GSTO2: variants seen among roughly 807,000 people sequenced by gnomAD.
The protein encoded by GSTO2 is glutathione S-transferase omega 2.
In GSTO2, 23 loss-of-function variants were observed where a neutral mutation model predicts 28.4. The ratio of observed to expected loss-of-function variants is 0.81; its 90% confidence interval spans 0.58 to 1.15. The LOEUF (loss-of-function observed/expected upper bound fraction) is 1.15. Among genes scored for constraint, GSTO2 ranks in the 50% most tolerant of loss-of-function variants. GSTO2 has a pLI of 0.00. For synonymous variants in GSTO2, 109 were observed against 111.0 expected, an observed-to-expected ratio of 0.98 and a Z score of 0.11; for missense variants, 298 against 297.8, an observed-to-expected ratio of 1.00 and a Z score of 0.00.
chr10:104,299,479 T>C lies in GSTO2; in HGVS notation c.*195T>C. On this transcript the variant is annotated 3_prime_UTR_variant, in exon 7 of 7. Transcript: ENST00000338595. The stretch of plus-strand genomic sequence containing the variant: ...TGTAGCTGCTGCTACTGCTGCTTTT[T>C]TTTCCTTTTTTTTTTTGAGGCAAGA... 1 of 618,024 alleles carries C rather than the reference T, an allele frequency of 1.6e-6. No homozygotes were observed. The highest frequency in any genetic ancestry group is 2.7e-6 in the Non-Finnish European group (1 of 374,366). The allele number at this position is 618,024 out of a possible 1,614,324, so 38.3% of individuals were successfully genotyped here. A position where few individuals can be genotyped will look rare whatever the true frequency, so the allele number is the denominator to read the frequency against.
intron 5 of GSTO2, among the ~76,000 whole-genome samples, chr10:104,286,205 T>A (rs1310750262): frequency 1.7e-5 from 1 of 57,790 alleles, no homozygotes; most frequent in East Asian, 3.0e-4. Context: ...TTTCAGAGCG[T>A]TTTTTTTATC....
chr10:104,300,385 G>A lies in GSTO2; in HGVS notation c.*1101G>A, dbSNP rs1445288062. ...GTTGCCTGTTGTGTACCAAGCCCAG[G>A]GGCACACTGGGGATAAAGTTGAAAA... On this transcript the variant is annotated 3_prime_UTR_variant, in exon 7 of 7. Transcript: ENST00000338595. 1 of 152,236 alleles carries A rather than the reference G, an allele frequency of 6.6e-6. No homozygotes were observed. Among genetic ancestry groups the A allele is most frequent in the Non-Finnish European group, 1.5e-5 (1 of 68,058 alleles). The allele number at this position is 152,236 out of a possible 1,614,324, so 9.4% of individuals were successfully genotyped here.
chr10:104,289,141 C>G (rs1020543599), intron 5 of GSTO2, among the ~76,000 whole-genome samples: 2 of 152,146 alleles, frequency 1.3e-5, no homozygotes, highest in Non-Finnish European at 2.9e-5. Flanking sequence ...CTCTGTCACT[C>G]AGGCTGGAGT....
chr10:104,279,342 C>A, intron 4 of GSTO2, 28 bp from the exon 5 acceptor site: 1 of 1,570,766 alleles, frequency 6.4e-7, no homozygotes, highest in Non-Finnish European at 8.8e-7. Flanking sequence ...ACAGACTTCT[C>A]CACTGAGAAC....
In GSTO2 at chr10:104,303,918, TAGGGGTGGC is replaced by T. The variant is rs1371574162; in HGVS notation, c.*4640_*4648del. ...TTGTTTCTTGGAGCTTTGGTGGTGG[TAGGGGTGGC>T]AGGGGCAGGTGTTATGTTTCTTGGT... On this transcript the variant is annotated 3_prime_UTR_variant, in exon 7 of 7. Transcript: ENST00000338595. 2 of 152,384 alleles carry T rather than the reference TAGGGGTGGC, an allele frequency of 1.3e-5. No individual in the cohort carries two copies. Among genetic ancestry groups the T allele is most frequent in the East Asian group, 3.9e-4 (2 of 5,186 alleles). 9.4% of individuals were successfully genotyped at this position (152,384 alleles called of 1,614,324 possible). A position where few individuals can be genotyped will look rare whatever the true frequency, so the allele number is the denominator to read the frequency against.
chr10:104,273,655 T>C (rs2011509220), intron 1 of GSTO2, among the ~76,000 whole-genome samples: 1 of 152,264 alleles, frequency 6.6e-6, no homozygotes, highest in African/African-American at 2.4e-5. Flanking sequence ...GCTATATCTT[T>C]TCCTGGACTT....
At position 104,270,659 on chromosome 10, in the gene GSTO2, A is replaced by T. The variant is rs191390837; in HGVS notation, c.-232+1390A>T. Among the ~76,000 whole-genome samples the T allele has an allele frequency of 5.9e-5, 9 of 152,300 alleles. No individual in the cohort carries two copies. The East Asian group carries it at 1.7e-3, about 29-fold the overall frequency. On this transcript the variant is annotated intron_variant, in intron 1 of 6. Transcript: ENST00000338595. ...ATTTGAGAATAGAACCTTTTACCTA[A>T]CGTATCTCACTTTTTGAACTCATTG...
rs2011736857 is a variant in GSTO2 at position 104,277,929 on chromosome 10, C to G, written c.179C>G (p.Pro60Arg). 6.2e-7 allele frequency: 1 copy of G among 1,613,826 alleles called. No homozygotes were observed. The highest frequency in any genetic ancestry group is 8.5e-7 in the Non-Finnish European group (1 of 1,179,898). ...GTCAACATTAACCTGAGAAACAAGC[C>G]TGAATGGTACTATACAAAGCACCCT... is the stretch of plus-strand genomic sequence containing the variant. ...EVVNINLRNK[P>R]EWYYTKHPFG... Residue 60 changes from proline to arginine, a missense_variant, in exon 4 of 7, where the codon CCT becomes CGT. Physicochemically the swap from Pro to Arg is moderately radical, Grantham distance 103. Coordinates refer to ENST00000338595, the MANE Select transcript of GSTO2 (RefSeq NM_183239.2).
At chr10:104,274,245 A>G (rs1304973542) in intron 1 of GSTO2, among the ~76,000 whole-genome samples, 1 of 152,114 alleles carries the variant, frequency 6.6e-6, no homozygotes, top group Non-Finnish European at 1.5e-5. Flanking sequence ...AGCTTGGGTA[A>G]AATCTCACAA....
intron 1 of GSTO2, among the ~76,000 whole-genome samples, chr10:104,273,566 A>G (rs550620078): frequency 6.6e-6 from 1 of 152,364 alleles, no homozygotes; most frequent in Admixed American, 6.5e-5. Context: ...GTACCCAGTT[A>G]TAAGCTACAT....
chr10:104,286,409 T>C (rs1157232319), intron 5 of GSTO2, among the ~76,000 whole-genome samples: 1 of 152,262 alleles, frequency 6.6e-6, no homozygotes, highest in Non-Finnish European at 1.5e-5. Flanking sequence ...TTAAGGTTCA[T>C]CCTTCATTCT....
intron 1 of GSTO2, among the ~76,000 whole-genome samples, chr10:104,272,574 A>T (rs2011455899): frequency 7.6e-6 from 1 of 130,960 alleles, no homozygotes; most frequent in African/African-American, 2.8e-5. Context: ...ATCAAAATAG[A>T]ACAGTTATGG....
rs573528576 is a variant in GSTO2 at position 104,299,932 on chromosome 10, A to G, written c.*648A>G. 2 of 153,362 alleles carry G rather than the reference A, an allele frequency of 1.3e-5. No individual in the cohort carries two copies. Among genetic ancestry groups the G allele is most frequent in the Admixed American group, 6.5e-5 (1 of 15,308 alleles). 9.5% of individuals were successfully genotyped at this position (153,362 alleles called of 1,614,324 possible). ...TGATGCTGAGGTTCAGGGTCAACCTATGACTGATGCTTGTCACTACAGAAT... is the reference window on the plus strand; with the variant it reads ...TGATGCTGAGGTTCAGGGTCAACCTGTGACTGATGCTTGTCACTACAGAAT... On this transcript the variant is annotated 3_prime_UTR_variant, in exon 7 of 7. Coordinates refer to ENST00000338595, the MANE Select transcript of GSTO2 (RefSeq NM_183239.2).
rs75147857 is a variant in GSTO2 at position 104,303,583 on chromosome 10, C to G, written c.*4299C>G. ...ACTTATATTTACAGGGGAAGCAGAG[C>G]GTAAAAGTTTGGAGAATTTGCAGCC... is the stretch of plus-strand genomic sequence containing the variant. On this transcript the variant is annotated 3_prime_UTR_variant, in exon 7 of 7. Coordinates refer to ENST00000338595, the MANE Select transcript of GSTO2 (RefSeq NM_183239.2). 6.6e-6 allele frequency: 1 copy of G among 152,050 alleles called. No individual in the cohort carries two copies. The highest frequency in any genetic ancestry group is 1.5e-5 in the Non-Finnish European group (1 of 68,030). The allele number at this position is 152,050 out of a possible 1,614,324, so 9.4% of individuals were successfully genotyped here. A position where few individuals can be genotyped will look rare whatever the true frequency, so the allele number is the denominator to read the frequency against.
chr10:104,290,303 C>T (rs761397006), intron 5 of GSTO2, among the ~76,000 whole-genome samples: 15 of 152,152 alleles, frequency 9.9e-5, no homozygotes, highest in African/African-American at 2.6e-4. Context: ...GTCAGGAGTT[C>T]GAGACCAGCC....
At chr10:104,271,088 C>T (rs2011381126) in intron 1 of GSTO2, among the ~76,000 whole-genome samples, 1 of 152,072 alleles carries the variant, frequency 6.6e-6, no homozygotes, top group Admixed American at 6.6e-5. Flanking sequence ...GGAAAGTTTG[C>T]AAAGAGGATT....
intron 1 of GSTO2, among the ~76,000 whole-genome samples, chr10:104,271,442 C>T (rs926768661): frequency 1.3e-5 from 2 of 152,110 alleles, no homozygotes; most frequent in Non-Finnish European, 2.9e-5. Context: ...CTGACGATGC[C>T]CTGGACTATT....
chr10:104,277,144 T>G (rs1238232553), intron 3 of GSTO2, among the ~76,000 whole-genome samples: 2 of 152,216 alleles, frequency 1.3e-5, no homozygotes, highest in Non-Finnish European at 2.9e-5. Context: ...AAACTCATAC[T>G]CTTAATTGTT....
intron 3 of GSTO2, among the ~76,000 whole-genome samples, chr10:104,277,128 A>T (rs1185052817): frequency 6.6e-6 from 1 of 152,206 alleles, no homozygotes; most frequent in Non-Finnish European, 1.5e-5. Context: ...GTTTATTCTG[A>T]TGCCAAAACT....
Sources: allele counts gnomAD v4.1 joint callset (sites outside exome capture counted in the v4.1 genomes callset), GRCh38; gene constraint gnomAD v4.1.1; transcripts MANE v1.5; gene names NCBI Gene and HGNC (gene_info 2026-07-23, HGNC 2026-07-21).